ATP2B4: variants seen among roughly 807,000 people sequenced by gnomAD.
ATP2B4 encodes the protein plasma membrane calcium-transporting ATPase 4.
A neutral mutation model predicts 110.3 loss-of-function variants in ATP2B4; 39 were observed. The observed-to-expected ratio is 0.35, with a 90% CI of 0.27 to 0.46. The LOEUF (loss-of-function observed/expected upper bound fraction) is 0.46, where lower values mean the gene tolerates loss of function less well. Among genes scored for constraint, ATP2B4 ranks in the 20% least tolerant of loss-of-function variants. The pLI is 1.00. For synonymous variants in ATP2B4, 538 were observed against 571.7 expected (o/e 0.94, Z 0.84); for missense variants, 1,135 against 1,530.9 (o/e 0.74, Z 4.32).
intron 20 of ATP2B4, among the ~76,000 whole-genome samples, chr1:203,729,971 A>G (rs1267045263): frequency 1.3e-5 from 2 of 152,160 alleles, no homozygotes. Context: ...TTGAGTTTCA[A>G]GAAGAGAAAC....
At chr1:203,737,486 G>T (rs1263786725) in intron 20 of ATP2B4, among the ~76,000 whole-genome samples, 1 of 152,194 alleles carries the variant, frequency 6.6e-6, no homozygotes, top group Non-Finnish European at 1.5e-5. Context: ...GGTCAAAGGA[G>T]AAGGCACTGG....
rs375623722 is a variant in ATP2B4, at chr1:203,700,823, C to T, written c.801C>T (p.Gly267=). 6 of 1,613,290 alleles carry T rather than the reference C, an allele frequency of 3.7e-6. No individual in the cohort carries two copies. The highest frequency in any genetic ancestry group is 5.1e-6 in the Non-Finnish European group (6 of 1,179,640). Residue 267 remains glycine, a synonymous_variant, in exon 6 of 21, where the codon GGC becomes GGT. Coordinates refer to ENST00000357681, the MANE Select transcript of ATP2B4 (RefSeq NM_001684.5). The part of the protein sequence containing the change: ...LSGTHVMEGS[G]RMVVTAVGVN... ...GGACCCATGTCATGGAAGGTTCTGG[C>T]CGGATGGTGGTGACAGCTGTTGGTG...
intron 1 of ATP2B4, among the ~76,000 whole-genome samples, chr1:203,638,211 G>T (rs1663517407): frequency 6.6e-6 from 1 of 152,174 alleles, no homozygotes; most frequent in Non-Finnish European, 1.5e-5. Flanking sequence ...ACTCTGGCAG[G>T]TGAGGGAGGC....
chr1:203,673,626 A>C (rs926813551), intron 1 of ATP2B4, among the ~76,000 whole-genome samples: 1 of 152,212 alleles, frequency 6.6e-6, no homozygotes, highest in Admixed American at 6.5e-5. Context: ...AGACTGTCAG[A>C]GTGGAGAAAG....
intron 1 of ATP2B4, among the ~76,000 whole-genome samples, chr1:203,636,538 C>T (rs1292444069): frequency 1.3e-5 from 2 of 152,080 alleles, no homozygotes; most frequent in Non-Finnish European, 2.9e-5. Flanking sequence ...CCTGAAAGAG[C>T]GGGAGCCAGG....
chr1:203,652,202 T>TGGCACAATCTCAGCTCACTGCAGC (rs1664019254), intron 1 of ATP2B4, among the ~76,000 whole-genome samples: 1 of 148,800 alleles, frequency 6.7e-6, no homozygotes, highest in Non-Finnish European at 1.5e-5. Context: ...TGGAGTGCAG[T>TGGCACAATCTCAGCTCACTGCAGC]GGCACAATCT....
intron 1 of ATP2B4, among the ~76,000 whole-genome samples, chr1:203,677,403 AG>A (rs1664860001): frequency 6.6e-6 from 1 of 152,142 alleles, no homozygotes; most frequent in African/African-American, 2.4e-5. Flanking sequence ...GCTTGGAATG[AG>A]GGAGACTGAC....
intron 20 of ATP2B4, among the ~76,000 whole-genome samples, chr1:203,728,505 G>T (rs1040308775): frequency 6.6e-6 from 1 of 152,120 alleles, no homozygotes; most frequent in Non-Finnish European, 1.5e-5. Flanking sequence ...CTGCTGATTG[G>T]CTAGAGATCT....
rs760482258 is a variant in ATP2B4, at chr1:203,712,136, C to T, written c.2208C>T (p.Gly736=). Residue 736 remains glycine (G), a synonymous_variant, in exon 13 of 21, where the codon GGC becomes GGT. Transcript: ENST00000357681. ...EFNRLIRNEK[G]EVEQEKLDKI... ...ACCGGCTCATCCGCAACGAGAAAGG[C>T]GAGGTGGGTCCTGGCTAGGGGGAAC... 6.2e-7 allele frequency: 1 copy of T among 1,613,618 alleles called. No homozygotes were observed. Among genetic ancestry groups the T allele is most frequent in the Non-Finnish European group, 8.5e-7 (1 of 1,179,768 alleles).
chr1:203,651,485 C>T (rs1284651947), intron 1 of ATP2B4, among the ~76,000 whole-genome samples: 1 of 152,198 alleles, frequency 6.6e-6, no homozygotes, highest in Non-Finnish European at 1.5e-5. Context: ...CATCCCCCCA[C>T]CTCATCACCC....
chr1:203,729,469 C>T (rs1177840911), intron 20 of ATP2B4: 7 of 364,072 alleles, frequency 1.9e-5, no homozygotes, highest in South Asian at 4.2e-5. Flanking sequence ...CGCTTGAACC[C>T]GGAAGGCTGA....
intron 10 of ATP2B4, among the ~76,000 whole-genome samples, chr1:203,708,876 G>T (rs904321294): frequency 6.6e-6 from 1 of 152,042 alleles, no homozygotes; most frequent in Non-Finnish European, 1.5e-5. Flanking sequence ...GAAAAAAGAT[G>T]CCAGGTGCTG....
intron 13 of ATP2B4, 97 bp downstream of exon 13, chr1:203,712,236 T>C (rs1015172597): frequency 1.4e-6 from 2 of 1,382,286 alleles, no homozygotes; most frequent in Non-Finnish European, 2.0e-6. Flanking sequence ...GGTGGGTGGT[T>C]TCTAAAGTGA....
At chr1:203,737,472 C>G (rs1337757591) in intron 20 of ATP2B4, among the ~76,000 whole-genome samples, 1 of 152,106 alleles carries the variant, frequency 6.6e-6, no homozygotes, top group Non-Finnish European at 1.5e-5. Flanking sequence ...TGTATCTGTG[C>G]CAGGGTCAAA....
At position 203,720,750 on chromosome 1, in the gene ATP2B4, G is replaced by A. The variant is rs748074311; in HGVS notation, c.2598+10G>A. ...AGCCTGTATCACTCAGGTGAAGGGGGTGTGGGTGGGCTGAGACGGGAGGGA... is the reference window on the plus strand; with the variant it reads ...AGCCTGTATCACTCAGGTGAAGGGGATGTGGGTGGGCTGAGACGGGAGGGA... On this transcript the variant is annotated intron_variant, in intron 16 of 20. Transcript: ENST00000357681. The A allele has an allele frequency of 1.9e-6, 3 of 1,606,400 alleles. No individual in the cohort carries two copies. The African/African-American group carries it at 4.0e-5, about 21-fold the overall frequency.
At chr1:203,704,169 A>G (rs1665778369) in intron 8 of ATP2B4, among the ~76,000 whole-genome samples, 1 of 152,222 alleles carries the variant, frequency 6.6e-6, no homozygotes, top group African/African-American at 2.4e-5. Flanking sequence ...CCTTAAAGAT[A>G]GAGAAGGCTG....
rs771007561 is a variant in ATP2B4 at position 203,727,581 on chromosome 1, T to C, written c.3309+10T>C. The C allele has an allele frequency of 1.2e-5, 20 of 1,613,176 alleles. No homozygotes were observed. Among genetic ancestry groups the C allele is most frequent in the South Asian group, 2.2e-5 (2 of 91,046 alleles). ...CCGTATCCAGACTCAGGTACTCTGATAGTGGTCTGTCCTTCCCTTGGGAGA... is the reference window on the plus strand; with the variant it reads ...CCGTATCCAGACTCAGGTACTCTGACAGTGGTCTGTCCTTCCCTTGGGAGA... On this transcript the variant is annotated intron_variant, in intron 20 of 20. Coordinates refer to ENST00000357681, the MANE Select transcript of ATP2B4 (RefSeq NM_001684.5).
rs548092393 is a variant in ATP2B4, at chr1:203,714,376, C to G, written c.2406+99C>G. 100 of 1,282,886 alleles carry G rather than the reference C, an allele frequency of 7.8e-5. No homozygotes were observed. In the Admixed American group the frequency reaches 1.7e-3, roughly 22 times the overall value. 79.5% of individuals were successfully genotyped at this position (1,282,886 alleles called of 1,614,324 possible). ...CCTGCTGCTTGCTACACCTGCATAG[C>G]CCATGGGGTGCTTTTTTGTCCAACT... is the stretch of plus-strand genomic sequence containing the variant. On this transcript the variant is annotated intron_variant, in intron 15 of 20. Coordinates refer to ENST00000357681, the MANE Select transcript of ATP2B4 (RefSeq NM_001684.5).
chr1:203,676,847 G>A (rs902394761), intron 1 of ATP2B4, among the ~76,000 whole-genome samples: 2 of 152,082 alleles, frequency 1.3e-5, no homozygotes, highest in African/African-American at 4.8e-5. Flanking sequence ...AAGGGGGAAG[G>A]GAGGGTGTCT....
Sources: gnomAD v4.1 joint callset for allele counts (sites outside exome capture counted in the v4.1 genomes callset) on GRCh38, gnomAD v4.1.1 for gene constraint, MANE v1.5 for transcripts, NCBI Gene and HGNC (gene_info 2026-07-23, HGNC 2026-07-21) for gene names.